Variants in UTP20 observed in about 807,000 individuals in gnomAD.
UTP20 encodes small subunit processome component 20 homolog.
UTP20 carries 164 observed loss-of-function variants against 329.5 expected under a neutral mutation model. That is an observed-to-expected ratio of 0.50 (90% confidence interval 0.44 to 0.57). The LOEUF is 0.57. UTP20 is among the 20% of genes least tolerant of loss of function. UTP20 has a pLI of 0.00. For missense variants in UTP20, 3,055 were observed against 3,284.2 expected (o/e 0.93, Z 1.71); for synonymous variants, 1,151 against 1,159.3 (o/e 0.99, Z 0.14).
At position 101,317,587 on chromosome 12, in the gene UTP20, G is replaced by C. The variant is rs745970567; in HGVS notation, c.2662G>C (p.Asp888His). Residue 888 changes from aspartate to histidine, a missense_variant, in exon 22 of 62, where the codon GAT (aspartate) becomes CAT (histidine). By Grantham distance (81) the Asp-to-His change is moderately conservative. Transcript: ENST00000261637. ...EIEEEPAAGDDEELEEEAVPQ... is the reference protein window; with the variant it reads ...EIEEEPAAGDHEELEEEAVPQ... ...CGAAGAGGAACCTGCCGCAGGAGATGATGAAGAGTTGGAGGAAGAGGCAGT... is the reference window on the plus strand; with the variant it reads ...CGAAGAGGAACCTGCCGCAGGAGATCATGAAGAGTTGGAGGAAGAGGCAGT... 1.9e-5 allele frequency: 30 copies of C among 1,614,034 alleles called. No homozygotes were observed. The highest frequency in any genetic ancestry group is 8.8e-5 in the South Asian group (8 of 91,076).
rs989965978 is a variant in UTP20, at chr12:101,342,594, G to A, written c.4245+5G>A. ...TTGCTTTGTACGGTTTTTGAGGTCT[G>A]TACTATTCATTTTTACTCCAAATCA... On this transcript the variant is annotated splice_donor_5th_base_variant and intron_variant, in intron 33 of 61. Transcript: ENST00000261637. The A allele has an allele frequency of 6.2e-7, 1 of 1,600,568 alleles. No homozygotes were observed. The highest frequency in any genetic ancestry group is 8.5e-7 in the Non-Finnish European group (1 of 1,176,364).
intron 12 of UTP20, among the ~76,000 whole-genome samples, chr12:101,296,620 C>T (rs1872364367): frequency 2.0e-5 from 3 of 149,272 alleles, no homozygotes; most frequent in South Asian, 2.1e-4. Flanking sequence ...TGGTAGCGGG[C>T]GCCTGTAGTC....
intron 35 of UTP20, among the ~76,000 whole-genome samples, chr12:101,343,876 CAACTATACTAATTGAA>C (rs1334334819): frequency 6.6e-6 from 1 of 152,092 alleles, no homozygotes; most frequent in Non-Finnish European, 1.5e-5. Context: ...TTTAAACATG[CAACTATACTAATTGAA>C]AATTATCCCT....
intron 25 of UTP20, among the ~76,000 whole-genome samples, chr12:101,321,894 G>A (rs1868381103): frequency 6.6e-6 from 1 of 151,868 alleles, no homozygotes. Flanking sequence ...ACAAATGTGA[G>A]CCATCACCGC....
chr12:101,374,818 G>A lies in UTP20; in HGVS notation c.7142G>A (p.Arg2381Lys), dbSNP rs147856864. ...TWFGAKKRLN[R>K]QLAALICGLF... ...GTTTATTTTTGGTAGCGCTTAAATA[G>A]ACAACTTGCTGCCCTGATCTGTGGC... The change falls in exon 55 of 62, where the codon AGA (arginine) becomes AAA (lysine). Residue 2381 changes from arginine (R) to lysine (K), a missense_variant. Arg to Lys is a conservative substitution (Grantham distance 26, BLOSUM62 2). This residue lies in a region of UTP20 where 273 missense variants were observed against 363.1 expected (regional missense o/e 0.75). Coordinates refer to ENST00000261637, the MANE Select transcript of UTP20 (RefSeq NM_014503.3). 1.7e-5 allele frequency: 19 copies of A among 1,103,938 alleles called. No individual in the cohort carries two copies. In the African/African-American group the frequency reaches 2.9e-4, roughly 17 times the overall value. The allele number at this position is 1,103,938 out of a possible 1,614,324, so 68.4% of individuals were successfully genotyped here.
At chr12:101,304,796 A>G (rs1872609707) in intron 15 of UTP20, among the ~76,000 whole-genome samples, 1 of 152,194 alleles carries the variant, frequency 6.6e-6, no homozygotes, top group South Asian at 2.1e-4. Context: ...GAGGTATCCC[A>G]TCTCACTCTA....
In UTP20 at chr12:101,345,538, C is replaced by T; in HGVS notation, c.4606-16C>T. ...TTTTTAAAATAAAATGTTTTTTCTC[C>T]ACTTCATATTTACAGAGTATTCAGC... On this transcript the variant is annotated splice_polypyrimidine_tract_variant and intron_variant, in intron 36 of 61. Transcript: ENST00000261637. 3.5e-6 allele frequency: 5 copies of T among 1,427,200 alleles called. No individual in the cohort carries two copies. Among genetic ancestry groups the T allele is most frequent in the Non-Finnish European group, 3.8e-6 (4 of 1,064,822 alleles). 88.4% of individuals were successfully genotyped at this position (1,427,200 alleles called of 1,614,324 possible).
chr12:101,342,366 T>C (rs2120935655), intron 32 of UTP20, 80 bp from the exon 33 acceptor site: 1 of 1,126,318 alleles, frequency 8.9e-7, no homozygotes, highest in Non-Finnish European at 1.2e-6. Flanking sequence ...AATTGTTTTC[T>C]ATGCTATAAT....
At chr12:101,371,288 G>A in intron 51 of UTP20, 120 bp downstream of exon 51, 1 of 747,798 alleles carries the variant, frequency 1.3e-6, no homozygotes, top group South Asian at 2.5e-5. Context: ...GCTTTATGCT[G>A]AGACTTGGGC....
rs995756910 is a variant in UTP20, at chr12:101,345,478, G to GT, written c.4606-69dup. ...AATATTTTACTTTTTAAAATTTTAT[G>GT]TTTTTTTCTGTTTCCTCATATTAGA... On this transcript the variant is annotated intron_variant, in intron 36 of 61. Transcript: ENST00000261637. The GT allele has an allele frequency of 1.9e-5, 19 of 985,650 alleles. No individual in the cohort carries two copies. In the African/African-American group the frequency reaches 3.0e-4, roughly 16 times the overall value. The allele number at this position is 985,650 out of a possible 1,614,324, so 61.1% of individuals were successfully genotyped here.
intron 49 of UTP20, 70 bp downstream of exon 49, chr12:101,369,961 C>A: frequency 6.7e-7 from 1 of 1,489,574 alleles, no homozygotes; most frequent in South Asian, 1.2e-5. Context: ...TACCTATAAT[C>A]CCAGCACTTT....
chr12:101,293,334 T>C (rs1298694474), intron 11 of UTP20, 89 bp downstream of exon 11: 2 of 1,261,350 alleles, frequency 1.6e-6, no homozygotes, highest in Non-Finnish European at 2.3e-6. Flanking sequence ...TTTCTGTTTG[T>C]TTTTTGAGAG....
At chr12:101,304,035 T>A (rs1248891849) in intron 15 of UTP20, among the ~76,000 whole-genome samples, 1 of 152,184 alleles carries the variant, frequency 6.6e-6, no homozygotes, top group East Asian at 1.9e-4. Flanking sequence ...AAGACACACA[T>A]AGCACAGAAT....
At chr12:101,281,918 T>C (rs573954981) in intron 2 of UTP20, among the ~76,000 whole-genome samples, 5 of 152,210 alleles carry the variant, frequency 3.3e-5, no homozygotes, top group African/African-American at 9.6e-5. Flanking sequence ...TTGGCCAGGA[T>C]GGTCTCAATC....
chr12:101,385,183 C>G (rs981951802), intron 60 of UTP20, among the ~76,000 whole-genome samples: 1 of 152,018 alleles, frequency 6.6e-6, no homozygotes, highest in Non-Finnish European at 1.5e-5. Flanking sequence ...TTACTTTTCC[C>G]CCCATCTGCA....
chr12:101,363,746 A>G lies in UTP20; in HGVS notation c.5958+3A>G, dbSNP rs202122493. 6.3e-5 allele frequency: 100 copies of G among 1,583,542 alleles called. No individual in the cohort carries two copies. In the African/African-American group the frequency reaches 7.1e-4, roughly 11 times the overall value. ...AACTCATCCTTCCATTAAAAGAGGT[A>G]AGGACGTAAATGCAATTCTGGAGAT... On this transcript the variant is annotated splice_donor_region_variant and intron_variant, in intron 45 of 61. Coordinates refer to ENST00000261637, the MANE Select transcript of UTP20 (RefSeq NM_014503.3).
At chr12:101,338,006 A>G in intron 29 of UTP20, 45 bp from the exon 30 acceptor site, 1 of 1,560,810 alleles carries the variant, frequency 6.4e-7, no homozygotes. Flanking sequence ...TTTAGAAGTG[A>G]ACATATTGAG....
At position 101,355,133 on chromosome 12, in the gene UTP20, C is replaced by T. The variant is rs1032292763; in HGVS notation, c.5394+15C>T. The T allele has an allele frequency of 5.6e-6, 9 of 1,605,952 alleles. No individual in the cohort carries two copies. The Middle Eastern group carries it at 8.3e-4, about 148-fold the overall frequency. On this transcript the variant is annotated intron_variant, in intron 41 of 61. Transcript: ENST00000261637. ...TTGCATCTACGGTAATAAATTTATT[C>T]GGGGTCCAGCAGGTCTGTGTGAATT...
In UTP20 at chr12:101,382,976, TACTAAGC is replaced by T. The variant is rs1870698587; in HGVS notation, c.7657-64_7657-58del. Reference sequence around the variant, plus strand: ...AGAATACCTATTTTAGCTTATGCTCTACTAAGCCTTATTTATTTCAAAATCAATGTCC... The same window carrying T: ...AGAATACCTATTTTAGCTTATGCTCTCTTATTTATTTCAAAATCAATGTCC... On this transcript the variant is annotated intron_variant, in intron 58 of 61. Transcript: ENST00000261637. The T allele has an allele frequency of 2.0e-6, 3 of 1,535,534 alleles. No individual in the cohort carries two copies. The African/African-American group carries it at 4.2e-5, about 21-fold the overall frequency.
Sources: allele counts gnomAD v4.1 joint callset (sites outside exome capture counted in the v4.1 genomes callset), GRCh38; gene constraint gnomAD v4.1.1; regional missense constraint gnomAD v4.1.1; transcripts MANE v1.5; gene names NCBI Gene and HGNC (gene_info 2026-07-23, HGNC 2026-07-21).